The following CCSER1 variants were observed in gnomAD, a reference collection of about 807,000 sequenced individuals.
CCSER1 encodes coiled-coil serine rich protein 1, also known as serine-rich coiled-coil domain-containing protein 1.
CCSER1 carries 41 observed loss-of-function variants against 82.0 expected under a neutral mutation model. The ratio of observed to expected loss-of-function variants is 0.50; its 90% CI spans 0.39 to 0.65. The LOEUF (loss-of-function observed/expected upper bound fraction) is 0.65. CCSER1 is among the 30% of genes least tolerant of loss of function. CCSER1 has a pLI of 0.00. For synonymous variants in CCSER1, 414 were observed against 383.9 expected (o/e 1.08, Z -0.92); for missense variants, 1,119 against 1,064.2 (o/e 1.05, Z -0.72).
At chr4:90,190,652 T>C (rs149754228) in intron 1 of CCSER1, among the ~76,000 whole-genome samples, 2 of 152,214 alleles carry the variant, frequency 1.3e-5, no homozygotes, top group East Asian at 1.9e-4. Flanking sequence ...TCCCAGACAA[T>C]AGTGATAGGA....
intron 8 of CCSER1, among the ~76,000 whole-genome samples, chr4:90,837,444 G>A (rs1712531516): frequency 1.3e-5 from 2 of 152,100 alleles, no homozygotes; most frequent in South Asian, 4.1e-4. Context: ...GTCATTTCCT[G>A]TGCAGCCCTC....
At chr4:90,357,131 T>C (rs1275449960) in intron 3 of CCSER1, among the ~76,000 whole-genome samples, 1 of 151,962 alleles carries the variant, frequency 6.6e-6, no homozygotes, top group Admixed American at 6.6e-5. Flanking sequence ...AACCCTTATT[T>C]AATTATAGAA....
chr4:91,352,400 C>G (rs1054023728), intron 10 of CCSER1, among the ~76,000 whole-genome samples: 4 of 152,192 alleles, frequency 2.6e-5, no homozygotes, highest in African/African-American at 9.7e-5. Context: ...GCGTGTGCCA[C>G]CATGCCCAGC....
At chr4:90,812,077 G>A (rs1036103237) in intron 7 of CCSER1, among the ~76,000 whole-genome samples, 10 of 151,766 alleles carry the variant, frequency 6.6e-5, no homozygotes, top group African/African-American at 2.4e-4. Context: ...GAGAAGCAAG[G>A]AGAGCCAGTC....
intron 7 of CCSER1, chr4:90,781,777 T>G (rs755960231): frequency 1.9e-5 from 18 of 963,024 alleles, no homozygotes; most frequent in Non-Finnish European, 2.1e-5. Context: ...AAATATTATC[T>G]TTTATTTTGG....
intron 10 of CCSER1, among the ~76,000 whole-genome samples, chr4:91,463,315 A>C (rs1756627975): frequency 6.6e-6 from 1 of 152,190 alleles, no homozygotes; most frequent in South Asian, 2.1e-4. Context: ...TAGAAGGAAA[A>C]CTAACAAACA....
intron 6 of CCSER1, among the ~76,000 whole-genome samples, chr4:90,658,104 G>A (rs1013714841): frequency 3.3e-5 from 5 of 151,982 alleles, no homozygotes; most frequent in East Asian, 1.9e-4. Flanking sequence ...ACTCTGTCTC[G>A]AAAATAAAAA....
At chr4:91,318,742 A>G (rs1479588765) in intron 10 of CCSER1, among the ~76,000 whole-genome samples, 1 of 152,010 alleles carries the variant, frequency 6.6e-6, no homozygotes, top group African/African-American at 2.4e-5. Flanking sequence ...TTCTGTCCAA[A>G]TGTCCAAATA....
chr4:91,141,172 T>G (rs1225858558), intron 10 of CCSER1, among the ~76,000 whole-genome samples: 3 of 152,028 alleles, frequency 2.0e-5, no homozygotes, highest in Non-Finnish European at 4.4e-5. Flanking sequence ...TTTTTTCTTT[T>G]TGAGACAGAG....
rs1727633118 is a variant in CCSER1, at chr4:90,276,243, TTTCTTTCTTTCCTTCCTTCCTTCCTTCC to T, written c.-41-31997_-41-31970del. Among the ~76,000 whole-genome samples the T allele has an allele frequency of 6.4e-5, 7 of 108,534 alleles. No homozygotes were observed. In the South Asian group the frequency reaches 1.8e-3, roughly 27 times the overall value. 71.2% of individuals were successfully genotyped at this position (108,534 alleles called of 152,430 possible). On this transcript the variant is annotated intron_variant, in intron 1 of 10. Coordinates refer to ENST00000509176, the MANE Select transcript of CCSER1 (RefSeq NM_001145065.2). ...CTTTCTTTCTTTCTTTCTTTCTTTC[TTTCTTTCTTTCCTTCCTTCCTTCCTTCC>T]TTCCTTCCTTCCTTCCTTCCTTCCT...
chr4:91,517,435 A>G (rs780019662), intron 10 of CCSER1, among the ~76,000 whole-genome samples: 15 of 152,158 alleles, frequency 9.9e-5, no homozygotes, highest in Non-Finnish European at 1.8e-4. Context: ...CTTTTTCTGC[A>G]TCTATTTAGA....
intron 10 of CCSER1, among the ~76,000 whole-genome samples, chr4:91,515,859 ATC>A (rs1277436142): frequency 9.4e-6 from 1 of 105,864 alleles, no homozygotes; most frequent in Non-Finnish European, 1.8e-5. Context: ...TCTTGCCAGC[ATC>A]TCTTTTTTTT....
chr4:90,385,803 A>G (rs1372263581), intron 3 of CCSER1, among the ~76,000 whole-genome samples: 1 of 151,998 alleles, frequency 6.6e-6, no homozygotes, highest in African/African-American at 2.4e-5. Flanking sequence ...AAAAATGTCT[A>G]TTCATATTGT....
At chr4:90,636,181 C>T (rs1725383875) in intron 6 of CCSER1, among the ~76,000 whole-genome samples, 1 of 151,590 alleles carries the variant, frequency 6.6e-6, no homozygotes, top group South Asian at 2.1e-4. Context: ...AACATTATGG[C>T]AAAAAATTAA....
chr4:91,353,289 C>T (rs1008391172), intron 10 of CCSER1, among the ~76,000 whole-genome samples: 2 of 138,866 alleles, frequency 1.4e-5, no homozygotes, highest in East Asian at 2.9e-4. Context: ...ATGAAAGGGT[C>T]GTGATTGATT....
At chr4:91,030,184 A>AT (rs545006023) in intron 9 of CCSER1, among the ~76,000 whole-genome samples, 1 of 151,196 alleles carries the variant, frequency 6.6e-6, no homozygotes, top group Non-Finnish European at 1.5e-5. Flanking sequence ...AGTTTATGAA[A>AT]TTTTTTTTTA....
chr4:90,440,973 TAGTA>T (rs1398571298), intron 4 of CCSER1, among the ~76,000 whole-genome samples: 6 of 151,410 alleles, frequency 4.0e-5, no homozygotes, highest in Admixed American at 2.0e-4. Flanking sequence ...AAAAAAAAGA[TAGTA>T]GGGTTAGAAA....
chr4:91,031,525 T>C (rs1740981645), intron 9 of CCSER1, among the ~76,000 whole-genome samples: 1 of 152,140 alleles, frequency 6.6e-6, no homozygotes, highest in South Asian at 2.1e-4. Flanking sequence ...AGACATAATG[T>C]TTGCAATAAG....
chr4:90,172,949 A>T (rs372346674), intron 1 of CCSER1, among the ~76,000 whole-genome samples: 1 of 151,852 alleles, frequency 6.6e-6, no homozygotes, highest in Admixed American at 6.6e-5. Context: ...AAATGTTAAA[A>T]ATTTTATGGA....
Sources: allele counts gnomAD v4.1 joint callset (sites outside exome capture counted in the v4.1 genomes callset), GRCh38; gene constraint gnomAD v4.1.1; transcripts MANE v1.5; gene names NCBI Gene and HGNC (gene_info 2026-07-23, HGNC 2026-07-21).